OOEP: variants seen among roughly 807,000 people sequenced by gnomAD.
OOEP encodes oocyte expressed protein, also known as oocyte-expressed protein homolog.
Under a neutral mutation model 13.7 loss-of-function variants are expected in OOEP, and 16 were observed. The ratio of observed to expected loss-of-function variants is 1.16; its 90% CI spans 0.79 to 1.77. The LOEUF (loss-of-function observed/expected upper bound fraction) is 1.77, where lower values mean the gene tolerates loss of function less well. Among genes scored for constraint, OOEP ranks in the 40% most tolerant of loss-of-function variants. The pLI, the probability that OOEP is intolerant of heterozygous loss-of-function variation, is 0.00. For missense variants in OOEP, 195 were observed against 193.1 expected, an observed-to-expected ratio of 1.01 and a Z score of -0.06; for synonymous variants, 89 against 77.1, an observed-to-expected ratio of 1.15 and a Z score of -0.81.
intron 2 of OOEP, among the ~76,000 whole-genome samples, chr6:73,380,375 G>A: frequency 6.6e-6 from 1 of 151,618 alleles, no homozygotes; most frequent in East Asian, 1.9e-4. Flanking sequence ...AGCCTCCTGA[G>A]CAGTTATTGA....
chr6:73,386,680 C>A (rs539326992), intron 2 of OOEP, among the ~76,000 whole-genome samples: 7 of 151,966 alleles, frequency 4.6e-5, no homozygotes, highest in Non-Finnish European at 1.0e-4. Flanking sequence ...TGAAAAAGAA[C>A]TGCAGCCGGG....
chr6:73,371,741 ACT>A (rs376221133), upstream of OOEP, among the ~76,000 whole-genome samples: 547 of 148,862 alleles, frequency 3.7e-3, 6 homozygotes, highest in African/African-American at 0.013. Context: ...CAAGAGCAAA[ACT>A]CTGTCTCAAA....
chr6:73,383,592 G>A (rs192235832), intron 2 of OOEP, among the ~76,000 whole-genome samples: 6 of 152,154 alleles, frequency 3.9e-5, no homozygotes, highest in Admixed American at 1.3e-4. Flanking sequence ...CCGAGATTGC[G>A]CCACTGCACT....
At chr6:73,374,084 G>A (rs934765246), upstream of OOEP, among the ~76,000 whole-genome samples, 2 of 151,942 alleles carry the variant, frequency 1.3e-5, no homozygotes, top group African/African-American at 2.4e-5. Context: ...CCAGCTACTC[G>A]GGAAGCTGAG....
chr6:73,368,596 T>G lies in OOEP; in HGVS notation c.*188A>C. 1 of 549,876 alleles carries G rather than the reference T, an allele frequency of 1.8e-6. No homozygotes were observed. The highest frequency in any genetic ancestry group is 3.1e-5 in the Admixed American group (1 of 32,438). 34.1% of individuals were successfully genotyped at this position (549,876 alleles called of 1,614,324 possible). On this transcript the variant is annotated 3_prime_UTR_variant, in exon 3 of 3. Coordinates refer to ENST00000370359, the MANE Select transcript of OOEP (RefSeq NM_001080507.3). ...TATTATAAGTGTGTGAAGATCTTAA[T>G]GCTTTTGGCAAAATAGCCATTTCTT... is the stretch of plus-strand genomic sequence containing the variant.
chr6:73,392,502 C>T (rs2150784204), intron 2 of OOEP, among the ~76,000 whole-genome samples: 1 of 151,914 alleles, frequency 6.6e-6, no homozygotes, highest in African/African-American at 2.4e-5. Context: ...TGGGGTTTCA[C>T]CACGTTGGTC....
chr6:73,381,956 G>C (rs2150781679), intron 2 of OOEP, among the ~76,000 whole-genome samples: 1 of 152,218 alleles, frequency 6.6e-6, no homozygotes, highest in South Asian at 2.1e-4. Flanking sequence ...ATTCCAGCCT[G>C]GGTGATACAG....
chr6:73,369,955 G>A (rs1335439050), upstream of OOEP: 2 of 614,878 alleles, frequency 3.3e-6, no homozygotes, highest in Non-Finnish European at 5.7e-6. Context: ...GCGACGCCCC[G>A]GCATAGCGGC....
upstream of OOEP, among the ~76,000 whole-genome samples, chr6:73,372,908 CTTTTTTTTTTT>C (rs371058661): frequency 5.9e-5 from 8 of 134,524 alleles, no homozygotes; most frequent in East Asian, 4.3e-4. Flanking sequence ...TTTTTCTTTC[CTTTTTTTTTTT>C]TTTTTTTTTA....
upstream of OOEP, chr6:73,372,969 A>G: frequency 1.4e-6 from 1 of 700,130 alleles, no homozygotes; most frequent in Non-Finnish European, 2.5e-6. Flanking sequence ...GAATCCAGCC[A>G]ACCAACGTGT....
chr6:73,375,758 A>G (rs1769130285), intron 2 of OOEP, among the ~76,000 whole-genome samples: 1 of 150,892 alleles, frequency 6.6e-6, no homozygotes, highest in African/African-American at 2.4e-5. Flanking sequence ...TCCCAAAGAC[A>G]TGCTGCAGCT....
intron 2 of OOEP, among the ~76,000 whole-genome samples, chr6:73,392,434 A>G (rs1350895174): frequency 1.3e-5 from 2 of 151,860 alleles, no homozygotes; most frequent in African/African-American, 4.8e-5. Context: ...CTTCTCAAGT[A>G]GCTGGGATTA....
chr6:73,386,446 C>T (rs1333991155), intron 2 of OOEP, among the ~76,000 whole-genome samples: 7 of 152,002 alleles, frequency 4.6e-5, no homozygotes, highest in South Asian at 2.1e-4. Flanking sequence ...AAAAAATAAA[C>T]AAACAAATAG....
upstream of OOEP, among the ~76,000 whole-genome samples, chr6:73,370,342 G>A (rs1769031316): frequency 6.6e-6 from 1 of 152,192 alleles, no homozygotes; most frequent in African/African-American, 2.4e-5. Flanking sequence ...AGTGTGTCAT[G>A]TTTTAAACAA....
At chr6:73,382,116 T>C (rs968730586) in intron 2 of OOEP, among the ~76,000 whole-genome samples, 2 of 152,048 alleles carry the variant, frequency 1.3e-5, no homozygotes, top group South Asian at 2.1e-4. Flanking sequence ...GGTGTGATCA[T>C]GGCTCACTGC....
chr6:73,385,129 T>TG (rs1769251495), intron 2 of OOEP, among the ~76,000 whole-genome samples: 1 of 151,430 alleles, frequency 6.6e-6, no homozygotes, highest in Non-Finnish European at 1.5e-5. Context: ...GGCAGATCAC[T>TG]AGGTCAGGAG....
At chr6:73,394,235 G>T (rs1769403209) in intron 2 of OOEP, 4 of 651,372 alleles carry the variant, frequency 6.1e-6, no homozygotes, top group South Asian at 5.2e-5. Flanking sequence ...ACTAAAATAA[G>T]CGTAAATGTA....
chr6:73,385,745 G>A (rs1354672718), intron 2 of OOEP, among the ~76,000 whole-genome samples: 1 of 151,926 alleles, frequency 6.6e-6, no homozygotes, highest in Non-Finnish European at 1.5e-5. Context: ...CTGCCACCAC[G>A]CCCGGCTAGT....
At chr6:73,380,635 ATTAC>A (rs1339014446) in intron 2 of OOEP, among the ~76,000 whole-genome samples, 1 of 152,154 alleles carries the variant, frequency 6.6e-6, no homozygotes, top group African/African-American at 2.4e-5. Flanking sequence ...TTACATCACT[ATTAC>A]TTTGAAATTT....
Sources: allele counts gnomAD v4.1 joint callset (sites outside exome capture counted in the v4.1 genomes callset), GRCh38; gene constraint gnomAD v4.1.1; transcripts MANE v1.5; gene names NCBI Gene and HGNC (gene_info 2026-07-23, HGNC 2026-07-21).